Variants in AGBL4 observed in about 807,000 individuals in gnomAD.
AGBL4 encodes AGBL carboxypeptidase 4.
Under a neutral mutation model 66.4 loss-of-function variants are expected in AGBL4, and 58 were observed. The ratio of observed to expected loss-of-function variants is 0.87; its 90% CI spans 0.71 to 1.09. AGBL4 has a LOEUF of 1.09. Among genes scored for constraint, AGBL4 ranks in the 50% least tolerant of loss-of-function variants. The pLI is 0.00. For missense variants in AGBL4, 579 were observed against 631.0 expected, an observed-to-expected ratio of 0.92 and a Z score of 0.88; for synonymous variants, 234 against 222.9, an observed-to-expected ratio of 1.05 and a Z score of -0.44.
At chr1:49,119,427 C>A (rs1301361886) in intron 4 of AGBL4, among the ~76,000 whole-genome samples, 1 of 152,134 alleles carries the variant, frequency 6.6e-6, no homozygotes, top group Non-Finnish European at 1.5e-5. Context: ...CAAAGAACAT[C>A]TTTATTTCTG....
intron 6 of AGBL4, among the ~76,000 whole-genome samples, chr1:48,680,171 A>G (rs1646432423): frequency 6.6e-6 from 1 of 152,254 alleles, no homozygotes; most frequent in Non-Finnish European, 1.5e-5. Context: ...TTGCTTTCAG[A>G]TTCAGACTGG....
intron 3 of AGBL4, among the ~76,000 whole-genome samples, chr1:49,365,525 C>T (rs867319416): frequency 1.3e-5 from 2 of 150,578 alleles, no homozygotes; most frequent in African/African-American, 4.9e-5. Flanking sequence ...TTCTGTTTCA[C>T]AGAAGGGCTA....
chr1:48,890,947 G>A (rs1650885770), intron 5 of AGBL4, among the ~76,000 whole-genome samples: 1 of 152,296 alleles, frequency 6.6e-6, no homozygotes, highest in Non-Finnish European at 1.5e-5. Flanking sequence ...TACCCCAAAT[G>A]CTTCTGATAC....
chr1:49,848,604 AAAT>A (rs1282783275), intron 2 of AGBL4, among the ~76,000 whole-genome samples: 3 of 152,204 alleles, frequency 2.0e-5, no homozygotes, highest in African/African-American at 7.2e-5. Context: ...AGTGAGAGCT[AAAT>A]AATATGTATA....
chr1:49,196,020 C>G (rs1294904813), intron 4 of AGBL4, among the ~76,000 whole-genome samples: 1 of 152,140 alleles, frequency 6.6e-6, no homozygotes, highest in Non-Finnish European at 1.5e-5. Flanking sequence ...TGAAGAAGGT[C>G]CTTGCTTCCT....
rs1233179501 is a variant in AGBL4, at chr1:48,587,121, G to A, written c.1150C>T (p.Arg384Cys). Residue 384 changes from arginine (R) to cysteine (C), a missense_variant, in exon 11 of 14, where the codon CGT becomes TGT. Physicochemically the swap from Arg to Cys is radical, Grantham distance 180. Transcript: ENST00000371839. ...NRDAVKAGTG[R>C]RFLGGLLDHT... Reference sequence around the variant, plus strand: ...TCCAGGAGTCCACCGAGGAAGCGACGGCCAGTTCCTGCTTTCACAGCGTCC... The same window carrying A: ...TCCAGGAGTCCACCGAGGAAGCGACAGCCAGTTCCTGCTTTCACAGCGTCC... 4.5e-6 allele frequency: 7 copies of A among 1,569,654 alleles called. No homozygotes were observed. Among genetic ancestry groups the A allele is most frequent in the East Asian group, 4.7e-5 (2 of 42,328 alleles).
chr1:48,975,542 A>G (rs560499894), intron 5 of AGBL4, among the ~76,000 whole-genome samples: 5 of 152,234 alleles, frequency 3.3e-5, no homozygotes, highest in Admixed American at 3.3e-4. Context: ...AAACCCCGAT[A>G]AAGATGAAAC....
intron 3 of AGBL4, among the ~76,000 whole-genome samples, chr1:49,440,929 T>A (rs1646014529): frequency 6.6e-6 from 1 of 152,080 alleles, no homozygotes; most frequent in Non-Finnish European, 1.5e-5. Context: ...AGCTTCCCCA[T>A]CCCCAGTAGT....
intron 6 of AGBL4, among the ~76,000 whole-genome samples, chr1:48,864,791 T>C (rs1411087439): frequency 3.9e-5 from 6 of 152,048 alleles, no homozygotes; most frequent in Non-Finnish European, 5.9e-5. Flanking sequence ...AAAGATGTAT[T>C]AGGAAGGAGT....
At chr1:48,575,847 A>T (rs1644645075) in intron 11 of AGBL4, among the ~76,000 whole-genome samples, 1 of 152,138 alleles carries the variant, frequency 6.6e-6, no homozygotes, top group Non-Finnish European at 1.5e-5. Flanking sequence ...GAACCTCACC[A>T]TGCATAGGCT....
At chr1:48,740,013 G>A (rs945671760) in intron 6 of AGBL4, among the ~76,000 whole-genome samples, 2 of 152,174 alleles carry the variant, frequency 1.3e-5, no homozygotes, top group African/African-American at 4.8e-5. Context: ...AAGTGATAAG[G>A]GCTAGTCTGT....
At chr1:49,633,509 C>T (rs1293738180) in intron 3 of AGBL4, among the ~76,000 whole-genome samples, 1 of 151,976 alleles carries the variant, frequency 6.6e-6, no homozygotes, top group African/African-American at 2.4e-5. Flanking sequence ...AAATGATAAA[C>T]TAATCATTAA....
At chr1:49,860,440 GT>G (rs1646540346) in intron 1 of AGBL4, among the ~76,000 whole-genome samples, 1 of 152,220 alleles carries the variant, frequency 6.6e-6, no homozygotes, top group African/African-American at 2.4e-5. Flanking sequence ...GCTCACGCCT[GT>G]AGACCCACCA....
intron 2 of AGBL4, among the ~76,000 whole-genome samples, chr1:49,844,281 G>A (rs1387999244): frequency 6.6e-6 from 1 of 152,146 alleles, no homozygotes; most frequent in Non-Finnish European, 1.5e-5. Flanking sequence ...CATCATGGAG[G>A]CCACTGTAGC....
intron 3 of AGBL4, chr1:49,269,101 G>A (rs1643996207): frequency 6.6e-6 from 1 of 152,102 alleles, no homozygotes; most frequent in South Asian, 2.1e-4. Context: ...GGTGACAGTG[G>A]ATGAGACTAC....
chr1:48,869,410 C>T (rs1298546867), intron 5 of AGBL4, among the ~76,000 whole-genome samples: 1 of 152,206 alleles, frequency 6.6e-6, no homozygotes, highest in African/African-American at 2.4e-5. Context: ...TTTCTTCATA[C>T]ATAAGGGAAG....
At chr1:49,150,355 T>C (rs1220014118) in intron 4 of AGBL4, among the ~76,000 whole-genome samples, 1 of 152,184 alleles carries the variant, frequency 6.6e-6, no homozygotes, top group African/African-American at 2.4e-5. Context: ...CTTTCACAAT[T>C]TGTACACATT....
intron 5 of AGBL4, among the ~76,000 whole-genome samples, chr1:49,045,107 T>C (rs939726041): frequency 2.0e-5 from 3 of 152,142 alleles, no homozygotes; most frequent in Admixed American, 6.6e-5. Flanking sequence ...ACAGGGCACA[T>C]TGTGGCCATC....
At position 48,866,135 on chromosome 1, in the gene AGBL4, G is replaced by A. The variant is rs1320600834; in HGVS notation, c.634+1056C>T. On this transcript the variant is annotated intron_variant, in intron 6 of 13. Coordinates refer to ENST00000371839, the MANE Select transcript of AGBL4 (RefSeq NM_032785.4). ...GTTGCAGTCACTTTTTTATACCCTA[G>A]TTATGTAGACCAGATAATTGCTAGG... Among the ~76,000 whole-genome samples, 5 of 152,146 alleles carry A rather than the reference G, an allele frequency of 3.3e-5. No individual in the cohort carries two copies. The East Asian group carries it at 9.6e-4, about 29-fold the overall frequency.
Sources: gnomAD v4.1 joint callset for allele counts (sites outside exome capture counted in the v4.1 genomes callset) on GRCh38, gnomAD v4.1.1 for gene constraint, MANE v1.5 for transcripts, NCBI Gene and HGNC (gene_info 2026-07-23, HGNC 2026-07-21) for gene names.